INO80D: variants seen among roughly 807,000 people sequenced by gnomAD.
INO80D encodes the protein INO80 complex subunit D.
In INO80D, 21 loss-of-function variants were observed where a neutral mutation model predicts 87.6. That is an observed-to-expected ratio of 0.24 (90% CI 0.17 to 0.35). INO80D has a LOEUF of 0.35. INO80D is among the 10% of genes least tolerant of loss of function. INO80D has a pLI of 1.00. For missense variants in INO80D, 982 were observed against 1,280.7 expected (o/e 0.77, Z 3.56); for synonymous variants, 440 against 491.0 (o/e 0.90, Z 1.37).
In INO80D at chr2:206,002,671, G is replaced by A. The variant is rs1033808950; in HGVS notation, c.*1697C>T. ...AGAAAGAAAAGCTTTCAAAAGAAGG[G>A]ACTGGTTAGAACTAGCATGGCATAA... On this transcript the variant is annotated 3_prime_UTR_variant, in exon 11 of 11. Coordinates refer to ENST00000403263, the MANE Select transcript of INO80D (RefSeq NM_017759.5). 5.9e-5 allele frequency: 9 copies of A among 152,136 alleles called. No individual in the cohort carries two copies. Among genetic ancestry groups the A allele is most frequent in the African/African-American group, 2.2e-4 (9 of 41,438 alleles). 9.4% of individuals were successfully genotyped at this position (152,136 alleles called of 1,614,324 possible).
chr2:206,009,524 T>A, intron 9 of INO80D, 53 bp downstream of exon 9: 1 of 1,454,198 alleles, frequency 6.9e-7, no homozygotes. Flanking sequence ...CTAGATGTTC[T>A]GAGAAGAATC....
chr2:206,080,851 T>C (rs372451418), intron 1 of INO80D, among the ~76,000 whole-genome samples: 53 of 127,212 alleles, frequency 4.2e-4, no homozygotes, highest in African/African-American at 1.5e-3. Flanking sequence ...TGCAGTGAGC[T>C]GAGATCGTGC....
At chr2:206,032,874 G>A (rs1688803326) in intron 5 of INO80D, among the ~76,000 whole-genome samples, 1 of 152,070 alleles carries the variant, frequency 6.6e-6, no homozygotes, top group African/African-American at 2.4e-5. Flanking sequence ...TCTTTTTAAA[G>A]CATAAATTAT....
rs190942818 is a variant in INO80D, at chr2:206,060,588, T to C, written c.218+2211A>G. Among the ~76,000 whole-genome samples, 333 of 151,468 alleles carry C rather than the reference T, an allele frequency of 2.2e-3. 2 individuals are homozygous for C. The East Asian group carries it at 0.023, about 10-fold the overall frequency. On this transcript the variant is annotated intron_variant, in intron 3 of 10. Transcript: ENST00000403263. ...GCTTTTTTTTTTTTTGAGACGGAGT[T>C]TCGCTCTTGTTGCCCAGGCTGGAGT...
At chr2:206,067,222 G>A (rs886492524) in intron 1 of INO80D, among the ~76,000 whole-genome samples, 13 of 151,638 alleles carry the variant, frequency 8.6e-5, no homozygotes, top group East Asian at 1.9e-4. Context: ...ACTCCAGCCC[G>A]GGCAACAGAG....
intron 4 of INO80D, among the ~76,000 whole-genome samples, chr2:206,053,842 ATT>A (rs199765299): frequency 1.4e-5 from 2 of 147,018 alleles, no homozygotes; most frequent in Non-Finnish European, 3.0e-5. Flanking sequence ...AAGATACAGA[ATT>A]TTTTTTTTTT....
intron 5 of INO80D, among the ~76,000 whole-genome samples, chr2:206,042,351 C>T (rs908800084): frequency 6.6e-6 from 1 of 151,850 alleles, no homozygotes; most frequent in African/African-American, 2.4e-5. Context: ...AATTAGAACA[C>T]AAAGCAATGA....
At chr2:206,015,005 C>G (rs1688280301) in intron 8 of INO80D, among the ~76,000 whole-genome samples, 1 of 152,106 alleles carries the variant, frequency 6.6e-6, no homozygotes, top group African/African-American at 2.4e-5. Flanking sequence ...ACATTTTGCC[C>G]CTGCCCTAAA....
chr2:206,070,190 C>A (rs548501818), intron 1 of INO80D, among the ~76,000 whole-genome samples: 1 of 151,838 alleles, frequency 6.6e-6, no homozygotes, highest in African/African-American at 2.4e-5. Context: ...GTGAGGTGGG[C>A]GGATCACTTG....
At chr2:206,069,922 T>C (rs936805374) in intron 1 of INO80D, among the ~76,000 whole-genome samples, 1 of 152,190 alleles carries the variant, frequency 6.6e-6, no homozygotes, top group Non-Finnish European at 1.5e-5. Flanking sequence ...TCTCCTCTCC[T>C]TTCTTTCCCC....
At chr2:206,050,796 C>G (rs377004936) in intron 4 of INO80D, among the ~76,000 whole-genome samples, 2 of 151,972 alleles carry the variant, frequency 1.3e-5, no homozygotes, top group Non-Finnish European at 2.9e-5. Context: ...GTGAAACCCC[C>G]GTCTCTACTA....
Position 206,056,911 on chromosome 2 carries a change from A to T in INO80D, c.251T>A (p.Phe84Tyr). ...TTTCTTCCTCTCTTTTTTCGGGATA[A>T]AGCCAAGTACCTGCAAGTGGCTGTT... ...YCNSHLQVLG[F>Y]IPKKERKKKN... The change falls in exon 4 of 11, where the codon TTT (phenylalanine) becomes TAT (tyrosine). Residue 84 changes from phenylalanine (F) to tyrosine (Y), a missense_variant. Coordinates refer to ENST00000403263, the MANE Select transcript of INO80D (RefSeq NM_017759.5). 1 of 1,605,604 alleles carries T rather than the reference A, an allele frequency of 6.2e-7. No individual in the cohort carries two copies. The highest frequency in any genetic ancestry group is 8.5e-7 in the Non-Finnish European group (1 of 1,173,658).
intron 1 of INO80D, among the ~76,000 whole-genome samples, chr2:206,081,320 T>C (rs1690277840): frequency 6.6e-6 from 1 of 152,244 alleles, no homozygotes; most frequent in African/African-American, 2.4e-5. Context: ...TGTTAAACAG[T>C]GGTTATCCTT....
chr2:206,039,437 T>A (rs563408921), intron 5 of INO80D, among the ~76,000 whole-genome samples: 250 of 152,154 alleles, frequency 1.6e-3, no homozygotes, highest in Non-Finnish European at 3.0e-3. Flanking sequence ...ATAAACGATG[T>A]TCCTGCTATA....
chr2:206,081,054 C>A (rs1367276226), intron 1 of INO80D, among the ~76,000 whole-genome samples: 1 of 151,816 alleles, frequency 6.6e-6, no homozygotes. Context: ...CTCATTTAGT[C>A]TTCACAGCAA....
At chr2:206,078,182 C>G (rs1690173529) in intron 1 of INO80D, among the ~76,000 whole-genome samples, 1 of 150,980 alleles carries the variant, frequency 6.6e-6, no homozygotes, top group Non-Finnish European at 1.5e-5. Flanking sequence ...CTTTGGGAGA[C>G]CGAGGCAGGT....
chr2:206,075,038 T>C (rs1321246948), intron 1 of INO80D, among the ~76,000 whole-genome samples: 1 of 24,980 alleles, frequency 4.0e-5, no homozygotes, highest in Non-Finnish European at 8.2e-5. Flanking sequence ...AAACTCCATC[T>C]CAAAAAAAAA....
Position 206,059,303 on chromosome 2 carries a change from C to T in INO80D, c.219-2360G>A, listed in dbSNP as rs140636098. Reference sequence around the variant, plus strand: ...AGCTGAGGCAGCAAAATCCCTTGAACCCATGAGGTAGAGGCTGCAGTGAGC... The same window carrying T: ...AGCTGAGGCAGCAAAATCCCTTGAATCCATGAGGTAGAGGCTGCAGTGAGC... On this transcript the variant is annotated intron_variant, in intron 3 of 10. Coordinates refer to ENST00000403263, the MANE Select transcript of INO80D (RefSeq NM_017759.5). Among the ~76,000 whole-genome samples the T allele has an allele frequency of 1.6e-4, 24 of 152,136 alleles. No homozygotes were observed. In the East Asian group the frequency reaches 4.2e-3, roughly 27 times the overall value.
chr2:206,024,235 A>C (rs1007642644), intron 6 of INO80D, among the ~76,000 whole-genome samples: 4 of 152,170 alleles, frequency 2.6e-5, no homozygotes, highest in African/African-American at 9.7e-5. Flanking sequence ...GAGATTTAGG[A>C]ACAAACTTTT....
Sources: gnomAD v4.1 joint callset for allele counts (sites outside exome capture counted in the v4.1 genomes callset) on GRCh38, gnomAD v4.1.1 for gene constraint, MANE v1.5 for transcripts, NCBI Gene and HGNC (gene_info 2026-07-23, HGNC 2026-07-21) for gene names.